The following GREB1 variants were observed in gnomAD, a reference collection of about 807,000 sequenced individuals.
The protein encoded by GREB1 is growth regulating estrogen receptor binding 1, also known as protein GREB1.
In GREB1, 106 loss-of-function variants were observed where a neutral mutation model predicts 200.7. The observed-to-expected ratio is 0.53, with a 90% CI of 0.45 to 0.62. GREB1 has a LOEUF of 0.62. Among genes scored for constraint, GREB1 ranks in the 20% least tolerant of loss-of-function variants. The probability of loss-of-function intolerance (pLI) is 0.00; values close to 1 mark genes in which losing one functional copy is unlikely to be tolerated. For synonymous variants in GREB1, 1,132 were observed against 1,092.4 expected (o/e 1.04, Z -0.72); for missense variants, 2,243 against 2,556.8 (o/e 0.88, Z 2.65).
At chr2:11,512,266 GAAT>G (rs1319242838) in intron 1 of GREB1, among the ~76,000 whole-genome samples, 2 of 152,178 alleles carry the variant, frequency 1.3e-5, no homozygotes, top group Non-Finnish European at 2.9e-5. Context: ...TCCTGGGGAG[GAAT>G]TTGTGTCTTG....
chr2:11,632,206 C>A, intron 27 of GREB1, 93 bp downstream of exon 27: 1 of 880,040 alleles, frequency 1.1e-6, no homozygotes, highest in Non-Finnish European at 1.8e-6. Context: ...CATGTGACAT[C>A]AGGCCTTTTA....
chr2:11,531,636 T>C (rs948938596), upstream of GREB1, among the ~76,000 whole-genome samples: 3 of 152,184 alleles, frequency 2.0e-5, no homozygotes, highest in Non-Finnish European at 2.9e-5. Flanking sequence ...AGTGGCACCA[T>C]CTTGGCTCAC....
intron 17 of GREB1, 115 bp downstream of exon 17, chr2:11,602,657 TCA>T (rs1681886649): frequency 4.8e-6 from 4 of 836,410 alleles, no homozygotes; most frequent in Non-Finnish European, 7.9e-6. Context: ...CCTGAGCAAC[TCA>T]GTTTCTCCAC....
At chr2:11,509,022 C>A (rs1030057595) in intron 1 of GREB1, among the ~76,000 whole-genome samples, 1 of 151,780 alleles carries the variant, frequency 6.6e-6, no homozygotes, top group Non-Finnish European at 1.5e-5. Context: ...CTACAGGCGC[C>A]CGCCACCACG....
intron 16 of GREB1, 81 bp from the exon 17 acceptor site, chr2:11,602,325 C>A: frequency 7.8e-7 from 1 of 1,286,036 alleles, no homozygotes; most frequent in South Asian, 1.2e-5. Flanking sequence ...CAACCCAGGT[C>A]ATCCGCAGGC....
At chr2:11,551,735 C>A (rs1230663129) in intron 1 of GREB1, among the ~76,000 whole-genome samples, 2 of 152,176 alleles carry the variant, frequency 1.3e-5, no homozygotes, top group Non-Finnish European at 2.9e-5. Context: ...TTCAGCGCTC[C>A]CACCGCCGCA....
intron 17 of GREB1, among the ~76,000 whole-genome samples, chr2:11,608,093 G>T (rs1388408431): frequency 6.6e-6 from 1 of 152,132 alleles, no homozygotes; most frequent in African/African-American, 2.4e-5. Context: ...GAGAAGACTG[G>T]CTCAGCCTGA....
chr2:11,584,050 G>A (rs955428229), intron 7 of GREB1, among the ~76,000 whole-genome samples: 3 of 152,280 alleles, frequency 2.0e-5, no homozygotes, highest in African/African-American at 7.2e-5. Flanking sequence ...CACCCGGGCT[G>A]TGCGTTAGAA....
Position 11,585,869 on chromosome 2 carries a change from C to T in GREB1, c.1123C>T (p.Leu375=), listed in dbSNP as rs571938912. 3.9e-5 allele frequency: 63 copies of T among 1,613,994 alleles called. No individual in the cohort carries two copies. The South Asian group carries it at 6.6e-4, about 17-fold the overall frequency. ...ACCAGTGTCTGTTCCTGACAACTTGCTGAAAATATGCAAGGCCAAGCCAGT... is the reference window on the plus strand; with the variant it reads ...ACCAGTGTCTGTTCCTGACAACTTGTTGAAAATATGCAAGGCCAAGCCAGT... The part of the protein sequence containing the change: ...GEPVSVPDNL[L]KICKAKPVIF... Residue 375 remains leucine, a synonymous_variant, in exon 9 of 33, where the codon CTG becomes TTG. Coordinates refer to ENST00000381486, the MANE Select transcript of GREB1 (RefSeq NM_014668.4).
In GREB1 at chr2:11,637,720, C is replaced by T; in HGVS notation, c.5351C>T (p.Ser1784Phe). The T allele has an allele frequency of 6.2e-7, 1 of 1,613,030 alleles. No homozygotes were observed. The highest frequency in any genetic ancestry group is 2.2e-5 in the East Asian group (1 of 44,870). Residue 1784 changes from serine (S) to phenylalanine (F), a missense_variant, in exon 31 of 33, where the codon TCT becomes TTT. Physicochemically the swap from Ser to Phe is radical, Grantham distance 155. Transcript: ENST00000381486. ...HRSFHITSKVSDNSAAVVPAQ... is the reference protein window; with the variant it reads ...HRSFHITSKVFDNSAAVVPAQ... The stretch of plus-strand genomic sequence containing the variant: ...GACACCCCCCTTCCCGTGCAGGTGT[C>T]TGATAACTCTGCCGCGGTCGTGCCG...
intron 30 of GREB1, 43 bp from the exon 31 acceptor site, chr2:11,637,673 C>T (rs1359798806): frequency 6.3e-7 from 1 of 1,589,676 alleles, no homozygotes; most frequent in Non-Finnish European, 8.6e-7. Context: ...AAGGTCCTCG[C>T]CCCTCAGGGC....
At chr2:11,579,246 C>T (rs1449736956) in intron 6 of GREB1, among the ~76,000 whole-genome samples, 1 of 152,170 alleles carries the variant, frequency 6.6e-6, no homozygotes, top group Non-Finnish European at 1.5e-5. Flanking sequence ...TTCCCCATGC[C>T]CAGGCCCCCA....
In GREB1 at chr2:11,607,798, G is replaced by A. The variant is rs140526722; in HGVS notation, c.2667-2890G>A. Among the ~76,000 whole-genome samples the A allele has an allele frequency of 4.3e-3, 647 of 152,036 alleles. 1 individual carries two copies. Among genetic ancestry groups the A allele is most frequent in the Non-Finnish European group, 7.7e-3 (523 of 67,974 alleles). ...GTTGCAAGTAACAGAAACTCAACTT[G>A]AACTCTTTTCAGAAAAAGAGAGAGA... On this transcript the variant is annotated intron_variant, in intron 17 of 32. Coordinates refer to ENST00000381486, the MANE Select transcript of GREB1 (RefSeq NM_014668.4).
chr2:11,592,848 C>T lies in GREB1; in HGVS notation c.1418C>T (p.Thr473Ile). Residue 473 changes from threonine to isoleucine, a missense_variant, in exon 11 of 33, where the codon ACC becomes ATC. Transcript: ENST00000381486. ...CGCTCTTGGCGCGAGTCGCACCTGA[C>T]CGAGATCCGGCAGTACCAGCAGGCG... ...FLRSWRESHL[T>I]EIRQYQQAPP... is the part of the protein sequence containing the mutation. 1.3e-6 allele frequency: 2 copies of T among 1,598,716 alleles called. No homozygotes were observed. The highest frequency in any genetic ancestry group is 1.1e-5 in the South Asian group (1 of 88,902).
At chr2:11,520,869 A>G (rs1261779707) in intron 1 of GREB1, among the ~76,000 whole-genome samples, 1 of 152,158 alleles carries the variant, frequency 6.6e-6, no homozygotes, top group Non-Finnish European at 1.5e-5. Context: ...TGCTTTCCAT[A>G]GGTAGTTACT....
intron 23 of GREB1, among the ~76,000 whole-genome samples, chr2:11,622,418 C>G (rs1458716612): frequency 6.6e-6 from 1 of 152,208 alleles, no homozygotes; most frequent in African/African-American, 2.4e-5. Flanking sequence ...TCTCCCCTGC[C>G]TTCCTATGGA....
chr2:11,627,041 G>A lies in GREB1; in HGVS notation c.4386G>A (p.Ala1462=), dbSNP rs541354837. Residue 1462 remains alanine, a synonymous_variant, in exon 25 of 33, where the codon GCG becomes GCA. Coordinates refer to ENST00000381486, the MANE Select transcript of GREB1 (RefSeq NM_014668.4). ...GGATGAGACTGTCCAAGTACGCAGC[G>A]TACAACACTTACCACCACTGTGAGC... ...TARMRLSKYA[A]YNTYHHCEQC... 7.9e-5 allele frequency: 127 copies of A among 1,613,968 alleles called. No homozygotes were observed. Among genetic ancestry groups the A allele is most frequent in the Admixed American group, 4.7e-4 (28 of 60,012 alleles).
intron 1 of GREB1, among the ~76,000 whole-genome samples, chr2:11,527,438 C>T (rs141159166): frequency 6.6e-6 from 1 of 152,158 alleles, no homozygotes; most frequent in Non-Finnish European, 1.5e-5. Flanking sequence ...GTAATGGTTT[C>T]AGAAAATAAC....
rs1674183148 is a variant in GREB1 at position 11,534,109 on chromosome 2, G to C, written c.-307G>C. The C allele has an allele frequency of 6.6e-6, 1 of 152,198 alleles. No homozygotes were observed. The highest frequency in any genetic ancestry group is 2.4e-5 in the African/African-American group (1 of 41,436). 9.4% of individuals were successfully genotyped at this position (152,198 alleles called of 1,614,324 possible). The stretch of plus-strand genomic sequence containing the variant: ...TGGGATTTTACCTCAAAGTGCAAAG[G>C]TAAATGAAATAAAGTTTTTTCAATG... On this transcript the variant is annotated 5_prime_UTR_variant, in exon 1 of 33. Coordinates refer to ENST00000381486, the MANE Select transcript of GREB1 (RefSeq NM_014668.4).
Sources: gnomAD v4.1 joint callset for allele counts (sites outside exome capture counted in the v4.1 genomes callset) on GRCh38, gnomAD v4.1.1 for gene constraint, MANE v1.5 for transcripts, NCBI Gene and HGNC (gene_info 2026-07-23, HGNC 2026-07-21) for gene names.